The following SANBR variants were observed in gnomAD, a reference collection of about 807,000 sequenced individuals.
SANBR encodes the protein SANT and BTB domain regulator of class switch recombination.
Under a neutral mutation model 101.8 loss-of-function variants are expected in SANBR, and 77 were observed. That is an observed-to-expected ratio of 0.76 (90% CI 0.63 to 0.91). The LOEUF is 0.91. Ranked by LOEUF, SANBR falls within the 40% of genes least tolerant of loss-of-function variation. The pLI is 0.00. For missense variants in SANBR, 875 were observed against 853.0 expected (o/e 1.03, Z -0.32); for synonymous variants, 279 against 274.7 (o/e 1.02, Z -0.15).
chr2:61,136,879 A>G (rs1294165310), intron 21 of SANBR, among the ~76,000 whole-genome samples: 1 of 151,140 alleles, frequency 6.6e-6, no homozygotes, highest in Admixed American at 6.6e-5. Flanking sequence ...GCTGAGGCAG[A>G]GAATTGCTTG....
chr2:61,103,072 A>G lies in SANBR; in HGVS notation c.1366-781A>G, dbSNP rs150703648. On this transcript the variant is annotated intron_variant, in intron 12 of 21. Coordinates refer to ENST00000402291, the MANE Select transcript of SANBR (RefSeq NM_001129993.3). ...ATATTCATGCAGTGAAACACTATAC[A>G]TTAAAGCAAATATTATTATTACATG... 3.9e-4 allele frequency among the ~76,000 whole-genome samples: 60 copies of G among 152,186 alleles called. 2 individuals carry two copies. The East Asian group carries it at 7.7e-3, about 20-fold the overall frequency.
At chr2:61,115,375 A>G (rs1324869749) in intron 16 of SANBR, among the ~76,000 whole-genome samples, 2 of 149,414 alleles carry the variant, frequency 1.3e-5, no homozygotes, top group Admixed American at 6.7e-5. Context: ...GTCTCGCTCT[A>G]TCACCAGGCT....
chr2:61,122,731 G>T lies in SANBR; in HGVS notation c.*569G>T, dbSNP rs1684383402. On this transcript the variant is annotated 3_prime_UTR_variant, in exon 22 of 22. Transcript: ENST00000402291. ...TTTCAGTACTGTGTTGGGCAGAAGG[G>T]TTAATTTTTTTCAGCATTATATCGT... 3.0e-6 allele frequency: 3 copies of T among 985,358 alleles called. No homozygotes were observed. Among genetic ancestry groups the T allele is most frequent in the Middle Eastern group, 5.2e-4 (1 of 1,936 alleles). The allele number at this position is 985,358 out of a possible 1,614,324, so 61.0% of individuals were successfully genotyped here.
At chr2:61,072,687 A>G (rs570454705) in intron 4 of SANBR, among the ~76,000 whole-genome samples, 2 of 151,898 alleles carry the variant, frequency 1.3e-5, no homozygotes, top group African/African-American at 2.4e-5. Flanking sequence ...ACTCTAATCT[A>G]CTGGCCTAGT....
rs951810146 is a variant in SANBR, at chr2:61,068,904, A to G, written c.-91A>G. 6.6e-6 allele frequency: 1 copy of G among 152,380 alleles called. No homozygotes were observed. The highest frequency in any genetic ancestry group is 2.4e-5 in the African/African-American group (1 of 41,468). The allele number at this position is 152,380 out of a possible 1,614,324, so 9.4% of individuals were successfully genotyped here. On this transcript the variant is annotated 5_prime_UTR_variant, in exon 2 of 22. Coordinates refer to ENST00000402291, the MANE Select transcript of SANBR (RefSeq NM_001129993.3). ...ATCTGAACCAGATAATGCCATAAGTAGTAGAACTGCGATGCAAACTTGGAC... is the reference window on the plus strand; with the variant it reads ...ATCTGAACCAGATAATGCCATAAGTGGTAGAACTGCGATGCAAACTTGGAC...
chr2:61,106,147 T>C (rs1429244521), intron 13 of SANBR, among the ~76,000 whole-genome samples: 1 of 151,952 alleles, frequency 6.6e-6, no homozygotes, highest in Admixed American at 6.6e-5. Flanking sequence ...AATCCCAGCA[T>C]TTTGGGAGCC....
intron 10 of SANBR, among the ~76,000 whole-genome samples, chr2:61,089,994 C>T (rs959787194): frequency 2.6e-5 from 4 of 152,034 alleles, no homozygotes; most frequent in Non-Finnish European, 5.9e-5. Context: ...TAGCCAGACC[C>T]CATCTCTACA....
rs1226257094 is a variant in SANBR at position 61,123,727 on chromosome 2, T to G, written c.*1565T>G. The G allele has an allele frequency of 2.0e-6, 2 of 985,392 alleles. No homozygotes were observed. Among genetic ancestry groups the G allele is most frequent in the African/African-American group, 3.5e-5 (2 of 57,254 alleles). 61.0% of individuals were successfully genotyped at this position (985,392 alleles called of 1,614,324 possible). A position where few individuals can be genotyped will look rare whatever the true frequency, so the allele number is the denominator to read the frequency against. On this transcript the variant is annotated 3_prime_UTR_variant, in exon 22 of 22. Coordinates refer to ENST00000402291, the MANE Select transcript of SANBR (RefSeq NM_001129993.3). ...AACTGATGGTAAAAAGGCAAACTGCTTCTCCCCTGGGAGGCCTATACCACT... is the reference window on the plus strand; with the variant it reads ...AACTGATGGTAAAAAGGCAAACTGCGTCTCCCCTGGGAGGCCTATACCACT...
chr2:61,109,427 G>T, intron 16 of SANBR, 131 bp downstream of exon 16: 1 of 460,602 alleles, frequency 2.2e-6, no homozygotes, highest in Non-Finnish European at 3.9e-6. Flanking sequence ...AAATTGAAAG[G>T]AGACACCATC....
At position 61,122,447 on chromosome 2, in the gene SANBR, T is replaced by G. The variant is rs1040510278; in HGVS notation, c.*285T>G. ...AGTTGAGACTCCCAGTGTTTTCCTT[T>G]ATTTATTTGAAAAAGAAAGGCCTAA... On this transcript the variant is annotated 3_prime_UTR_variant, in exon 22 of 22. Transcript: ENST00000402291. 3 of 1,118,976 alleles carry G rather than the reference T, an allele frequency of 2.7e-6. No individual in the cohort carries two copies. The highest frequency in any genetic ancestry group is 3.3e-6 in the Non-Finnish European group (3 of 917,080). The allele number at this position is 1,118,976 out of a possible 1,614,324, so 69.3% of individuals were successfully genotyped here.
chr2:61,090,909 CTTTTTTTT>C (rs747161495), intron 10 of SANBR, among the ~76,000 whole-genome samples: 1 of 139,258 alleles, frequency 7.2e-6, no homozygotes, highest in Non-Finnish European at 1.6e-5. Flanking sequence ...TTTAAAATTC[CTTTTTTTT>C]TTTTTTTTTG....
At chr2:61,132,726 T>C (rs1684724909) in intron 20 of SANBR, among the ~76,000 whole-genome samples, 1 of 152,232 alleles carries the variant, frequency 6.6e-6, no homozygotes, top group Non-Finnish European at 1.5e-5. Flanking sequence ...GCAACACTAT[T>C]CACAATAGCC....
chr2:61,106,014 C>A (rs969056129), intron 13 of SANBR, among the ~76,000 whole-genome samples: 6 of 152,092 alleles, frequency 3.9e-5, no homozygotes, highest in African/African-American at 1.2e-4. Context: ...CCCATTCCAC[C>A]ACCTCATAGG....
chr2:61,066,741 AT>A (rs1423338381), intron 1 of SANBR, among the ~76,000 whole-genome samples: 2 of 152,220 alleles, frequency 1.3e-5, no homozygotes, highest in African/African-American at 2.4e-5. Context: ...TAAGAAAAAA[AT>A]ATATCAGATT....
intron 12 of SANBR, among the ~76,000 whole-genome samples, chr2:61,099,291 G>C (rs529660797): frequency 6.6e-6 from 1 of 152,330 alleles, no homozygotes; most frequent in South Asian, 2.1e-4. Context: ...GTGGAATCAC[G>C]TACAAAAGGA....
chr2:61,076,981 C>T lies in SANBR; in HGVS notation c.493C>T (p.Pro165Ser). The change falls in exon 6 of 22, where the codon CCG becomes TCG. Residue 165 changes from proline (P) to serine (S), a missense_variant. Pro to Ser is a moderately conservative substitution (Grantham distance 74). Transcript: ENST00000402291. ...AKNLKEDFTC[P>S]RDLLISEMKY... is the part of the protein sequence containing the mutation. Reference sequence around the variant, plus strand: ...AAACTTGAAAGAAGATTTTACTTGCCCGCGAGATCTTTTGATATCAGAAAT... The same window carrying T: ...AAACTTGAAAGAAGATTTTACTTGCTCGCGAGATCTTTTGATATCAGAAAT... 1 of 1,613,940 alleles carries T rather than the reference C, an allele frequency of 6.2e-7. No individual in the cohort carries two copies. Among genetic ancestry groups the T allele is most frequent in the Non-Finnish European group, 8.5e-7 (1 of 1,179,992 alleles).
At chr2:61,096,747 A>G (rs902846279) in intron 11 of SANBR, among the ~76,000 whole-genome samples, 6 of 152,180 alleles carry the variant, frequency 3.9e-5, no homozygotes, top group East Asian at 3.8e-4. Context: ...TTGAAACCTG[A>G]TGTTTAATTT....
intron 10 of SANBR, among the ~76,000 whole-genome samples, chr2:61,089,852 G>A (rs1215396959): frequency 6.6e-6 from 1 of 152,166 alleles, no homozygotes; most frequent in Non-Finnish European, 1.5e-5. Flanking sequence ...AAATGCAGTG[G>A]TGCAATCATA....
chr2:61,096,069 C>G (rs1355580360), intron 11 of SANBR, among the ~76,000 whole-genome samples: 2 of 152,086 alleles, frequency 1.3e-5, no homozygotes, highest in Non-Finnish European at 2.9e-5. Context: ...CATGGTATTT[C>G]TTACAAACTT....
Sources: allele counts gnomAD v4.1 joint callset (sites outside exome capture counted in the v4.1 genomes callset), GRCh38; gene constraint gnomAD v4.1.1; transcripts MANE v1.5; gene names NCBI Gene and HGNC (gene_info 2026-07-23, HGNC 2026-07-21).